TTYH3: variants seen among roughly 807,000 people sequenced by gnomAD.
TTYH3 encodes the protein protein tweety homolog 3.
A neutral mutation model predicts 68.2 loss-of-function variants in TTYH3; 23 were observed. That is an observed-to-expected ratio of 0.34 (90% CI 0.24 to 0.48). The LOEUF is 0.48. Among genes scored for constraint, TTYH3 ranks in the 20% least tolerant of loss-of-function variants. The pLI, the probability that TTYH3 is intolerant of heterozygous loss-of-function variation, is 0.99. For synonymous variants in TTYH3, 360 were observed against 332.8 expected, an observed-to-expected ratio of 1.08 and a Z score of -0.89; for missense variants, 768 against 727.7, an observed-to-expected ratio of 1.06 and a Z score of -0.64.
intron 1 of TTYH3, among the ~76,000 whole-genome samples, chr7:2,641,403 G>C (rs1018565648): frequency 7.9e-5 from 12 of 151,914 alleles, no homozygotes; most frequent in East Asian, 7.8e-4. Context: ...GGAGAAGGAG[G>C]GGGTGGCCCA....
chr7:2,649,874 G>A, intron 6 of TTYH3, 39 bp from the exon 7 acceptor site: 1 of 1,611,646 alleles, frequency 6.2e-7, no homozygotes, highest in Non-Finnish European at 8.5e-7. Flanking sequence ...TTTAGGCCCA[G>A]CTTGGTCAAC....
In TTYH3 at chr7:2,661,946, C is replaced by T. The variant is rs948748074; in HGVS notation, c.*207C>T. On this transcript the variant is annotated 3_prime_UTR_variant, in exon 14 of 14. Coordinates refer to ENST00000258796, the MANE Select transcript of TTYH3 (RefSeq NM_025250.3). ...CTGGGCCCGTACCGCCAACTCGGGT[C>T]ACACCTGAACGCTGCTGCCAGCCGA... 1 of 617,358 alleles carries T rather than the reference C, an allele frequency of 1.6e-6. No homozygotes were observed. Among genetic ancestry groups the T allele is most frequent in the Admixed American group, 2.8e-5 (1 of 35,688 alleles). The allele number at this position is 617,358 out of a possible 1,614,324, so 38.2% of individuals were successfully genotyped here. A position where few individuals can be genotyped will look rare whatever the true frequency, so the allele number is the denominator to read the frequency against.
At chr7:2,643,048 A>G (rs377587234) in intron 1 of TTYH3, among the ~76,000 whole-genome samples, 1 of 142,754 alleles carries the variant, frequency 7.0e-6, no homozygotes, top group African/African-American at 2.7e-5. Context: ...GGGCATCACC[A>G]GTGAAATTAC....
chr7:2,658,544 A>G (rs1786403414), intron 12 of TTYH3, 85 bp downstream of exon 12: 1 of 1,480,392 alleles, frequency 6.8e-7, no homozygotes, highest in African/African-American at 1.4e-5. Flanking sequence ...AGCTCGAGGC[A>G]AGGGGCTGGA....
At chr7:2,657,397 GGTGGTGGTGGTT>G in intron 11 of TTYH3, among the ~76,000 whole-genome samples, 1 of 137,006 alleles carries the variant, frequency 7.3e-6, no homozygotes, top group Non-Finnish European at 1.5e-5. Flanking sequence ...TGGTGATGAT[GGTGGTGGTGGTT>G]GTGGTGGTGG....
At chr7:2,652,331 C>A in intron 8 of TTYH3, 89 bp downstream of exon 8, 1 of 1,157,124 alleles carries the variant, frequency 8.6e-7, no homozygotes, top group Non-Finnish European at 1.3e-6. Context: ...TGGCGCCTGG[C>A]TCCTCAGCCT....
At chr7:2,638,593 A>T (rs540592444) in intron 1 of TTYH3, among the ~76,000 whole-genome samples, 2 of 152,142 alleles carry the variant, frequency 1.3e-5, no homozygotes, top group Non-Finnish European at 2.9e-5. Flanking sequence ...GGAGTTGGGG[A>T]CAGGGACACA....
intron 1 of TTYH3, among the ~76,000 whole-genome samples, chr7:2,636,800 G>A (rs1785668332): frequency 1.2e-5 from 1 of 85,012 alleles, no homozygotes; most frequent in African/African-American, 7.2e-5. Context: ...CCCTGGACCT[G>A]CTTGGGGTGG....
chr7:2,656,057 T>A, intron 9 of TTYH3, 35 bp from the exon 10 acceptor site: 3 of 1,493,120 alleles, frequency 2.0e-6, no homozygotes, highest in Non-Finnish European at 2.7e-6. Context: ...CCCGTCCAAA[T>A]GAAGTGCTGA....
intron 1 of TTYH3, among the ~76,000 whole-genome samples, chr7:2,640,207 G>A (rs572037557): frequency 6.6e-6 from 1 of 152,340 alleles, no homozygotes; most frequent in South Asian, 2.1e-4. Flanking sequence ...TGGGGCTGGA[G>A]GCTGCATCGG....
intron 9 of TTYH3, among the ~76,000 whole-genome samples, chr7:2,655,817 C>T (rs1475655575): frequency 6.6e-6 from 1 of 152,214 alleles, no homozygotes; most frequent in Non-Finnish European, 1.5e-5. Context: ...AAAGGGAGGT[C>T]TGTCTTCACG....
In TTYH3 at chr7:2,642,766, T is replaced by A. The variant is rs866412719; in HGVS notation, c.124-4087T>A. Among the ~76,000 whole-genome samples, 83 of 148,036 alleles carry A rather than the reference T, an allele frequency of 5.6e-4. 1 individual carries two copies. The highest frequency in any genetic ancestry group is 3.4e-3 in the Middle Eastern group (1 of 290). ...TTCTTTTCTTTTTTTTTTTTTTTTTTAAATCGTAGACTTGGGCTGGGTGTG... is the reference window on the plus strand; with the variant it reads ...TTCTTTTCTTTTTTTTTTTTTTTTTAAAATCGTAGACTTGGGCTGGGTGTG... On this transcript the variant is annotated intron_variant, in intron 1 of 13. Coordinates refer to ENST00000258796, the MANE Select transcript of TTYH3 (RefSeq NM_025250.3).
chr7:2,658,300 A>C lies in TTYH3; in HGVS notation c.1265A>C (p.Asp422Ala), dbSNP rs1448951118. Residue 422 changes from aspartate to alanine, a missense_variant, in exon 12 of 14, where the codon GAC becomes GCC. Asp to Ala is a moderately radical substitution (Grantham distance 126). Coordinates refer to ENST00000258796, the MANE Select transcript of TTYH3 (RefSeq NM_025250.3). ...TWQQKRGPDE[D>A]GEEEAAPGPR... ...CCTCCTCACAGAGGCCCTGATGAGG[A>C]CGGGGAGGAGGAGGCCGCTCCAGGG... 6.3e-7 allele frequency: 1 copy of C among 1,589,574 alleles called. No individual in the cohort carries two copies. Among genetic ancestry groups the C allele is most frequent in the Non-Finnish European group, 8.6e-7 (1 of 1,167,762 alleles).
chr7:2,654,224 A>G (rs989449143), intron 9 of TTYH3, among the ~76,000 whole-genome samples: 1 of 152,092 alleles, frequency 6.6e-6, no homozygotes, highest in African/African-American at 2.4e-5. Flanking sequence ...GCAAGACCCC[A>G]TTCTACAAAA....
chr7:2,642,719 C>A (rs940081866), intron 1 of TTYH3, among the ~76,000 whole-genome samples: 15 of 149,584 alleles, frequency 1.0e-4, no homozygotes, highest in Non-Finnish European at 2.2e-4. Flanking sequence ...CAGAGCAAGA[C>A]CCTGTCTCTA....
Position 2,658,328 on chromosome 7 carries a change from G to A in TTYH3, c.1293G>A (p.Pro431=), listed in dbSNP as rs756477717. 14 of 1,601,234 alleles carry A rather than the reference G, an allele frequency of 8.7e-6. No individual in the cohort carries two copies. Among genetic ancestry groups the A allele is most frequent in the African/African-American group, 2.7e-5 (2 of 74,802 alleles). The change falls in exon 12 of 14, where the codon CCG becomes CCA. Residue 431 remains proline, a synonymous_variant. Coordinates refer to ENST00000258796, the MANE Select transcript of TTYH3 (RefSeq NM_025250.3). ...EDGEEEAAPG[P]RQAHDSLYRV... is the part of the protein sequence containing the mutation. ...GGGAGGAGGAGGCCGCTCCAGGGCC[G>A]CGGCAGGCGCACGACAGCCTCTACC...
chr7:2,637,648 G>A (rs143848247), intron 1 of TTYH3, among the ~76,000 whole-genome samples: 2 of 152,292 alleles, frequency 1.3e-5, no homozygotes, highest in South Asian at 2.1e-4. Context: ...TGCAGCCAGG[G>A]GCCTGGGGTC....
chr7:2,632,677 C>G (rs1785553305), intron 1 of TTYH3, among the ~76,000 whole-genome samples: 1 of 152,238 alleles, frequency 6.6e-6, no homozygotes, highest in South Asian at 2.1e-4. Flanking sequence ...GTGCTGTGTC[C>G]CAGCAGAGAC....
chr7:2,639,001 T>A (rs1281653922), intron 1 of TTYH3, among the ~76,000 whole-genome samples: 1 of 152,022 alleles, frequency 6.6e-6, no homozygotes, highest in Non-Finnish European at 1.5e-5. Flanking sequence ...TCCCGCCCCT[T>A]TCCTGACCCT....
Sources: gnomAD v4.1 joint callset for allele counts (sites outside exome capture counted in the v4.1 genomes callset) on GRCh38, gnomAD v4.1.1 for gene constraint, MANE v1.5 for transcripts, NCBI Gene and HGNC (gene_info 2026-07-23, HGNC 2026-07-21) for gene names.